SYT1: variants seen among roughly 807,000 people sequenced by gnomAD.
SYT1 encodes the protein synaptotagmin 1.
SYT1 carries 8 observed loss-of-function variants against 44.8 expected under a neutral mutation model. That is an observed-to-expected ratio of 0.18 (90% CI 0.10 to 0.32). The LOEUF (loss-of-function observed/expected upper bound fraction) is 0.32. Among genes scored for constraint, SYT1 ranks in the 10% least tolerant of loss-of-function variants. SYT1 has a pLI of 1.00. For synonymous variants in SYT1, 154 were observed against 188.8 expected (o/e 0.82, Z 1.51); for missense variants, 286 against 509.3 (o/e 0.56, Z 4.22).
chr12:79,130,502 G>A (rs1868742851), intron 3 of SYT1, among the ~76,000 whole-genome samples: 1 of 152,156 alleles, frequency 6.6e-6, no homozygotes, highest in Admixed American at 6.5e-5. Flanking sequence ...CTTGATTCCA[G>A]ATAATATATT....
rs576812333 is a variant in SYT1, at chr12:79,451,570, A to G, written c.*2446A>G. ...GCATTCTCTTGCAACACTGCCAGAC[A>G]TGGGATTGTCACCATAGAATTAGTT... is the stretch of plus-strand genomic sequence containing the variant. On this transcript the variant is annotated 3_prime_UTR_variant, in exon 11 of 11. Transcript: ENST00000261205. The G allele has an allele frequency of 3.9e-5, 6 of 152,354 alleles. No homozygotes were observed. The highest frequency in any genetic ancestry group is 1.4e-4 in the African/African-American group (6 of 41,590). The allele number at this position is 152,354 out of a possible 1,614,324, so 9.4% of individuals were successfully genotyped here.
chr12:79,044,245 C>A (rs1469303207), intron 2 of SYT1, among the ~76,000 whole-genome samples: 8 of 152,162 alleles, frequency 5.3e-5, no homozygotes, highest in Non-Finnish European at 1.2e-4. Flanking sequence ...TCCATTCTCC[C>A]CATCACTTTC....
rs79927305 is a variant in SYT1, at chr12:78,865,515, G to A, written c.-217+406G>A. ...AGGATTGCCTTTCTTAGAGGAAAGA[G>A]GGGGAGTGAAGAAAGGAGAAAGATT... On this transcript the variant is annotated intron_variant, in intron 1 of 10. Transcript: ENST00000261205. Among the ~76,000 whole-genome samples, 6 of 151,960 alleles carry A rather than the reference G, an allele frequency of 3.9e-5. No individual in the cohort carries two copies. In the East Asian group the frequency reaches 1.2e-3, roughly 30 times the overall value.
chr12:79,039,638 A>G (rs936899773), intron 2 of SYT1, among the ~76,000 whole-genome samples: 2 of 146,232 alleles, frequency 1.4e-5, no homozygotes, highest in East Asian at 2.0e-4. Context: ...TTTTTTTATT[A>G]TACTTTAAGT....
chr12:78,942,707 T>C (rs1878442697), intron 1 of SYT1, among the ~76,000 whole-genome samples: 2 of 152,230 alleles, frequency 1.3e-5, no homozygotes, highest in South Asian at 4.1e-4. Flanking sequence ...TGGTTCTAAT[T>C]AGTTCTTCTG....
At chr12:78,891,407 C>T (rs955400820) in intron 1 of SYT1, among the ~76,000 whole-genome samples, 1 of 151,896 alleles carries the variant, frequency 6.6e-6, no homozygotes, top group South Asian at 2.1e-4. Context: ...AACATTTTTA[C>T]TCCATACCCA....
intron 8 of SYT1, among the ~76,000 whole-genome samples, chr12:79,345,641 A>G (rs1882576284): frequency 6.6e-6 from 1 of 152,188 alleles, no homozygotes; most frequent in Non-Finnish European, 1.5e-5. Flanking sequence ...AACATTTCAC[A>G]CTGTGACCAT....
intron 2 of SYT1, chr12:79,046,578 A>G (rs565668194): frequency 6.6e-6 from 1 of 151,956 alleles, no homozygotes; most frequent in African/African-American, 2.4e-5. Context: ...GAAGGGTTTA[A>G]TTTTTTTACT....
At chr12:79,333,757 T>G (rs957599114) in intron 8 of SYT1, among the ~76,000 whole-genome samples, 1 of 152,208 alleles carries the variant, frequency 6.6e-6, no homozygotes, top group Non-Finnish European at 1.5e-5. Context: ...ACTTTTATGT[T>G]TTGACTTGTT....
intron 9 of SYT1, among the ~76,000 whole-genome samples, chr12:79,371,109 A>G (rs1177456624): frequency 3.3e-5 from 5 of 152,198 alleles, no homozygotes; most frequent in Non-Finnish European, 7.3e-5. Context: ...GTTTAATCCT[A>G]TTCATACTCT....
chr12:79,174,506 T>C (rs997911798), intron 3 of SYT1, among the ~76,000 whole-genome samples: 1 of 152,016 alleles, frequency 6.6e-6, no homozygotes, highest in Non-Finnish European at 1.5e-5. Flanking sequence ...TTTATTACAA[T>C]GTGCAATAAA....
chr12:79,328,792 G>C (rs1472679773), intron 8 of SYT1, among the ~76,000 whole-genome samples: 1 of 149,542 alleles, frequency 6.7e-6, no homozygotes, highest in Non-Finnish European at 1.5e-5. Context: ...CTTGCAGTAA[G>C]CCAAGATCAC....
At chr12:79,138,168 A>G (rs185179782) in intron 3 of SYT1, among the ~76,000 whole-genome samples, 55 of 152,308 alleles carry the variant, frequency 3.6e-4, no homozygotes, top group African/African-American at 1.2e-3. Context: ...GCTGTCTGAC[A>G]TTTAAATATT....
chr12:78,936,014 C>T (rs1878036816), intron 1 of SYT1, among the ~76,000 whole-genome samples: 1 of 152,016 alleles, frequency 6.6e-6, no homozygotes, highest in South Asian at 2.1e-4. Flanking sequence ...ATACAGTAAT[C>T]TTATAGCCAA....
intron 1 of SYT1, among the ~76,000 whole-genome samples, chr12:78,885,359 G>A (rs1207181861): frequency 2.7e-5 from 4 of 147,934 alleles, no homozygotes; most frequent in Non-Finnish European, 6.0e-5. Flanking sequence ...AAGGAACGAA[G>A]GAAGGAAGGA....
In SYT1 at chr12:79,170,629, CTT is replaced by C. The variant is rs1295533567; in HGVS notation, c.-17-46873_-17-46872del. 1.3e-4 allele frequency among the ~76,000 whole-genome samples: 19 copies of C among 151,926 alleles called. No homozygotes were observed. In the East Asian group the frequency reaches 1.9e-3, roughly 15 times the overall value. On this transcript the variant is annotated intron_variant, in intron 3 of 10. Coordinates refer to ENST00000261205, the MANE Select transcript of SYT1 (RefSeq NM_005639.3). ...TTGTTAGATGCATAGTTTGCAAAAA[CTT>C]CCTCCCATTCTGTAGATTGTCTGTT...
chr12:79,380,566 T>C (rs1477926742), intron 9 of SYT1, among the ~76,000 whole-genome samples: 1 of 152,166 alleles, frequency 6.6e-6, no homozygotes, highest in Non-Finnish European at 1.5e-5. Flanking sequence ...TGCTAATTTT[T>C]TTAATACATG....
chr12:79,302,468 T>G (rs1016654832), intron 8 of SYT1, among the ~76,000 whole-genome samples: 6 of 152,198 alleles, frequency 3.9e-5, no homozygotes, highest in Admixed American at 2.0e-4. Context: ...GATTATGTAC[T>G]ATTTTAGCGA....
At chr12:79,100,730 T>C (rs906470870) in intron 3 of SYT1, among the ~76,000 whole-genome samples, 5 of 152,204 alleles carry the variant, frequency 3.3e-5, no homozygotes, top group Non-Finnish European at 5.9e-5. Context: ...ACAGGCTGAT[T>C]ACATATGTCT....
Sources: gnomAD v4.1 joint callset for allele counts (sites outside exome capture counted in the v4.1 genomes callset) on GRCh38, gnomAD v4.1.1 for gene constraint, MANE v1.5 for transcripts, NCBI Gene and HGNC (gene_info 2026-07-23, HGNC 2026-07-21) for gene names.